Variants in RUNX1 observed in about 807,000 individuals in gnomAD.
RUNX1 encodes runt-related transcription factor 1.
Under a neutral mutation model 42.8 loss-of-function variants are expected in RUNX1, and 19 were observed. That is an observed-to-expected ratio of 0.44 (90% CI 0.31 to 0.65). The LOEUF is 0.65. RUNX1 is among the 30% of genes least tolerant of loss of function. The pLI, the probability that RUNX1 is intolerant of heterozygous loss-of-function variation, is 0.07. For synonymous variants in RUNX1, 271 were observed against 289.4 expected, an observed-to-expected ratio of 0.94 and a Z score of 0.64; for missense variants, 528 against 672.0, an observed-to-expected ratio of 0.79 and a Z score of 2.37.
chr21:34,987,491 C>T (rs916088459), intron 2 of RUNX1, among the ~76,000 whole-genome samples: 6 of 152,118 alleles, frequency 3.9e-5, no homozygotes, highest in African/African-American at 1.4e-4. Flanking sequence ...AGTGAGGGGG[C>T]TTTGTAAAAT....
intron 5 of RUNX1, among the ~76,000 whole-genome samples, chr21:34,880,352 C>T (rs1395619112): frequency 6.6e-6 from 1 of 152,142 alleles, no homozygotes; most frequent in African/African-American, 2.4e-5. Context: ...GTCTTAAATC[C>T]ACTCAGTAAC....
At chr21:35,024,509 T>C (rs2059221873) in intron 2 of RUNX1, among the ~76,000 whole-genome samples, 3 of 152,214 alleles carry the variant, frequency 2.0e-5, no homozygotes, top group Admixed American at 2.0e-4. Flanking sequence ...AGCATGTCTG[T>C]GGTAAAAGTA....
intron 3 of RUNX1, chr21:34,888,812 A>G (rs2146427377): frequency 4.1e-6 from 2 of 484,862 alleles, no homozygotes; most frequent in South Asian, 9.0e-5. Context: ...GGTATCAGCC[A>G]GGGCGCGGCT....
chr21:34,846,041 C>T (rs2057309824), intron 6 of RUNX1, among the ~76,000 whole-genome samples: 1 of 152,092 alleles, frequency 6.6e-6, no homozygotes, highest in African/African-American at 2.4e-5. Flanking sequence ...GGCGGCCCCA[C>T]TCAGAAACAC....
chr21:34,967,865 G>A (rs1332619426), intron 2 of RUNX1, among the ~76,000 whole-genome samples: 1 of 152,278 alleles, frequency 6.6e-6, no homozygotes, highest in East Asian at 1.9e-4. Context: ...ACCAATTGCT[G>A]AAAGACATCT....
chr21:34,795,998 T>A (rs1441300405), intron 8 of RUNX1, among the ~76,000 whole-genome samples: 2 of 152,170 alleles, frequency 1.3e-5, no homozygotes, highest in Admixed American at 6.5e-5. Flanking sequence ...GAACGAAAGG[T>A]CACCCTGTTT....
chr21:34,966,599 A>G (rs1431334223), intron 2 of RUNX1, among the ~76,000 whole-genome samples: 1 of 152,214 alleles, frequency 6.6e-6, no homozygotes, highest in Admixed American at 6.5e-5. Flanking sequence ...TCTGTCATGG[A>G]CATTCAGAGA....
intron 2 of RUNX1, among the ~76,000 whole-genome samples, chr21:35,041,238 C>A (rs912530191): frequency 6.6e-6 from 1 of 152,206 alleles, no homozygotes; most frequent in Non-Finnish European, 1.5e-5. Context: ...GTTGGAGCTG[C>A]ATAGTTCTCT....
chr21:34,792,857 G>T lies in RUNX1; in HGVS notation c.968-247C>A, dbSNP rs567661745. 2.1e-4 allele frequency among the ~76,000 whole-genome samples: 32 copies of T among 151,758 alleles called. 1 individual carries two copies. The highest frequency in any genetic ancestry group is 6.3e-4 in the African/African-American group (26 of 41,374). ...GGATGCCACCTCCTGAGATGACGAG[G>T]ATCACCCAGCATGTCACCTCCCAAG... On this transcript the variant is annotated intron_variant, in intron 8 of 8. Transcript: ENST00000675419. The surrounding 1 kb of genome is among the most constrained non-coding windows in gnomAD (Gnocchi z 6.9).
In RUNX1 at chr21:34,880,112, A is replaced by G. The variant is rs2057872619; in HGVS notation, c.508+445T>C. Among the ~76,000 whole-genome samples the G allele has an allele frequency of 3.9e-5, 6 of 152,306 alleles. No homozygotes were observed. In the South Asian group the frequency reaches 1.2e-3, roughly 32 times the overall value. ...AACATCATACACTAGAAATCCCTAA[A>G]ATTATTAGAAGTGGTCATTCGAAAC... On this transcript the variant is annotated intron_variant, in intron 5 of 8. Transcript: ENST00000675419.
intron 2 of RUNX1, among the ~76,000 whole-genome samples, chr21:34,977,207 T>C (rs980920583): frequency 1.3e-5 from 2 of 152,226 alleles, no homozygotes; most frequent in East Asian, 3.8e-4. Flanking sequence ...AAGAAAAATT[T>C]GAAAAATAAG....
At chr21:34,865,279 C>CGTGTGTGTGTGTGTGT (rs61238560) in intron 5 of RUNX1, among the ~76,000 whole-genome samples, 3 of 132,472 alleles carry the variant, frequency 2.3e-5, no homozygotes, top group East Asian at 2.3e-4. Context: ...GGGTTTTGTG[C>CGTGTGTGTGTGTGTGT]GTGTGTGTGT....
rs56151547 is a variant in RUNX1 at position 34,788,790 on chromosome 21, T to A, written c.*3345A>T. The A allele has an allele frequency of 4.6e-3, 1,073 of 233,610 alleles. 50 individuals carry two copies. The East Asian group carries it at 0.061, about 13-fold the overall frequency. The allele number at this position is 233,610 out of a possible 1,614,324, so 14.5% of individuals were successfully genotyped here. A position where few individuals can be genotyped will look rare whatever the true frequency, so the allele number is the denominator to read the frequency against. On this transcript the variant is annotated 3_prime_UTR_variant, in exon 9 of 9. Coordinates refer to ENST00000675419, the MANE Select transcript of RUNX1 (RefSeq NM_001754.5). ...TAAACAAAAAGGCATTTTGTTCAGA[T>A]GTAAAATATGTTTTGTGAGATTATT... is the stretch of plus-strand genomic sequence containing the variant.
chr21:34,979,983 C>G (rs139523049), intron 2 of RUNX1, among the ~76,000 whole-genome samples: 1 of 152,044 alleles, frequency 6.6e-6, no homozygotes, highest in Non-Finnish European at 1.5e-5. Flanking sequence ...AGCGCATGGC[C>G]GAAAGCGAGC....
At chr21:34,854,326 TCCCTCTA>T (rs1233585501) in intron 6 of RUNX1, among the ~76,000 whole-genome samples, 1 of 151,950 alleles carries the variant, frequency 6.6e-6, no homozygotes, top group Non-Finnish European at 1.5e-5. Flanking sequence ...TAACTATAAC[TCCCTCTA>T]AAAACAAAAA....
intron 2 of RUNX1, among the ~76,000 whole-genome samples, chr21:35,001,137 T>A (rs1290842196): frequency 6.6e-6 from 1 of 152,174 alleles, no homozygotes; most frequent in African/African-American, 2.4e-5. Flanking sequence ...TCACTCTCTT[T>A]ACCGTCTCTA....
At chr21:34,944,288 A>G (rs6517265) in intron 2 of RUNX1, among the ~76,000 whole-genome samples, 29,096 of 152,186 alleles carry the variant, frequency 0.19, 6,019 homozygotes, top group African/African-American at 0.52. Context: ...GATTACAGGC[A>G]TGAGCCACTG....
intron 6 of RUNX1, among the ~76,000 whole-genome samples, chr21:34,857,365 A>T (rs1332662529): frequency 6.6e-6 from 1 of 152,192 alleles, no homozygotes; most frequent in East Asian, 1.9e-4. Flanking sequence ...TTCCCCTCTG[A>T]CTGCCAATTC....
intron 7 of RUNX1, among the ~76,000 whole-genome samples, chr21:34,827,683 GTGC>G: frequency 6.6e-6 from 1 of 152,148 alleles, no homozygotes; most frequent in Non-Finnish European, 1.5e-5. Flanking sequence ...CTGCATCCTG[GTGC>G]AGCACACCTT....
Sources: allele counts gnomAD v4.1 joint callset (sites outside exome capture counted in the v4.1 genomes callset), GRCh38; gene constraint gnomAD v4.1.1; non-coding constraint Gnocchi (gnomAD v3.1); transcripts MANE v1.5; gene names NCBI Gene and HGNC (gene_info 2026-07-23, HGNC 2026-07-21).